PARD3: variants seen among roughly 807,000 people sequenced by gnomAD.
PARD3 encodes the protein partitioning defective 3 homolog.
A neutral mutation model predicts 155.4 loss-of-function variants in PARD3; 75 were observed. That is an observed-to-expected ratio of 0.48 (90% CI 0.40 to 0.58). The LOEUF is 0.58. PARD3 is among the 20% of genes least tolerant of loss of function. The pLI is 0.00. For synonymous variants in PARD3, 576 were observed against 610.5 expected (o/e 0.94, Z 0.83); for missense variants, 1,642 against 1,721.7 (o/e 0.95, Z 0.82).
intron 2 of PARD3, among the ~76,000 whole-genome samples, chr10:34,602,420 C>A (rs2089869892): frequency 6.6e-6 from 1 of 152,034 alleles, no homozygotes; most frequent in African/African-American, 2.4e-5. Context: ...AATGAAAATA[C>A]AAAATTTGTT....
intron 23 of PARD3, among the ~76,000 whole-genome samples, chr10:34,122,252 T>C (rs1241589890): frequency 3.3e-5 from 5 of 152,214 alleles, no homozygotes; most frequent in Non-Finnish European, 7.3e-5. Flanking sequence ...CTTGTGGAGA[T>C]GTGAAGGGAA....
intron 22 of PARD3, among the ~76,000 whole-genome samples, chr10:34,249,726 C>T (rs753967428): frequency 1.3e-5 from 2 of 152,100 alleles, no homozygotes; most frequent in Admixed American, 6.5e-5. Flanking sequence ...TATAAAGGCA[C>T]AGTTTAAGAA....
In PARD3 at chr10:34,393,150, TAA is replaced by T. The variant is rs34936875; in HGVS notation, c.890+6178_890+6179del. Among the ~76,000 whole-genome samples, 493 of 133,830 alleles carry T rather than the reference TAA, an allele frequency of 3.7e-3. 2 individuals carry two copies. The highest frequency in any genetic ancestry group is 0.011 in the African/African-American group (399 of 35,314). 87.8% of individuals were successfully genotyped at this position (133,830 alleles called of 152,430 possible). A position where few individuals can be genotyped will look rare whatever the true frequency, so the allele number is the denominator to read the frequency against. ...ATGCTAACTAGTAGATACTAGATCT[TAA>T]AAAAAAAAAAAAAGTGTATATAAAC... On this transcript the variant is annotated intron_variant, in intron 7 of 24. Transcript: ENST00000374788.
chr10:34,658,156 A>T (rs2093229599), intron 2 of PARD3, among the ~76,000 whole-genome samples: 1 of 151,596 alleles, frequency 6.6e-6, no homozygotes, highest in South Asian at 2.1e-4. Flanking sequence ...AAAAAAAAAA[A>T]AAAGAATCCA....
At chr10:34,680,915 C>T (rs1358216455) in intron 2 of PARD3, among the ~76,000 whole-genome samples, 1 of 150,352 alleles carries the variant, frequency 6.7e-6, no homozygotes, top group East Asian at 2.0e-4. Context: ...AGCACACCAG[C>T]ATGGCACATG....
At chr10:34,336,371 C>A in intron 17 of PARD3, 128 bp from the exon 18 acceptor site, 1 of 639,522 alleles carries the variant, frequency 1.6e-6, no homozygotes, top group South Asian at 2.0e-5. Flanking sequence ...TACTATGAAA[C>A]ATCAAGCAAA....
chr10:34,492,755 G>A (rs1041411550), intron 3 of PARD3, among the ~76,000 whole-genome samples: 8 of 152,180 alleles, frequency 5.3e-5, no homozygotes, highest in African/African-American at 1.7e-4. Context: ...CACACGATAT[G>A]TCACTATAAT....
intron 4 of PARD3, among the ~76,000 whole-genome samples, chr10:34,468,849 T>C (rs1345314759): frequency 6.6e-6 from 1 of 152,214 alleles, no homozygotes; most frequent in Non-Finnish European, 1.5e-5. Flanking sequence ...GGTATTTTTA[T>C]ACCTATGCAA....
At chr10:34,326,771 G>C (rs757397350) in intron 19 of PARD3, among the ~76,000 whole-genome samples, 11 of 152,144 alleles carry the variant, frequency 7.2e-5, no homozygotes, top group Non-Finnish European at 1.5e-4. Context: ...CCTAAATTAT[G>C]TGTATTCTGG....
chr10:34,769,277 C>T lies in PARD3; in HGVS notation c.120+45599G>A, dbSNP rs114068237. ...CCAGGGCTAGGTCTGCCTACCAACA[C>T]CCTGACCGAATCAGTCACAAGCTTA... On this transcript the variant is annotated intron_variant, in intron 1 of 24. Coordinates refer to ENST00000374788, the MANE Select transcript of PARD3 (RefSeq NM_001184785.2). Among the ~76,000 whole-genome samples the T allele has an allele frequency of 8.2e-3, 1,256 of 152,302 alleles. 15 individuals carry two copies. The highest frequency in any genetic ancestry group is 0.029 in the African/African-American group (1,216 of 41,554).
chr10:34,518,971 A>T (rs1320927192), intron 2 of PARD3, among the ~76,000 whole-genome samples: 1 of 152,238 alleles, frequency 6.6e-6, no homozygotes, highest in Non-Finnish European at 1.5e-5. Context: ...ATCTGATAAA[A>T]TGCACTGGGA....
intron 2 of PARD3, among the ~76,000 whole-genome samples, chr10:34,606,459 T>C (rs575893716): frequency 3.3e-5 from 5 of 151,824 alleles, no homozygotes; most frequent in African/African-American, 1.2e-4. Context: ...TTTTGGTTGG[T>C]TGGTTTTTTC....
intron 2 of PARD3, among the ~76,000 whole-genome samples, chr10:34,604,025 AC>A (rs1169644821): frequency 1.3e-5 from 2 of 152,180 alleles, no homozygotes; most frequent in Non-Finnish European, 1.5e-5. Context: ...AAAACCTGCT[AC>A]CTTAAAATCC....
intron 22 of PARD3, among the ~76,000 whole-genome samples, chr10:34,163,362 G>A (rs910406784): frequency 5.9e-5 from 9 of 152,198 alleles, no homozygotes; most frequent in African/African-American, 2.2e-4. Context: ...TGGCATATAT[G>A]CTGGTTCTTA....
intron 2 of PARD3, among the ~76,000 whole-genome samples, chr10:34,567,157 C>G (rs1318828158): frequency 2.0e-5 from 3 of 152,086 alleles, no homozygotes; most frequent in African/African-American, 7.2e-5. Flanking sequence ...CTTGTTGAGC[C>G]AACCATTCCT....
chr10:34,428,485 TAAA>T (rs2075736608), intron 5 of PARD3, among the ~76,000 whole-genome samples: 1 of 152,234 alleles, frequency 6.6e-6, no homozygotes, highest in East Asian at 1.9e-4. Flanking sequence ...ATCCCATCTC[TAAA>T]AGAAAAAAGA....
At chr10:34,517,380 A>G (rs1277399393) in intron 2 of PARD3, among the ~76,000 whole-genome samples, 1 of 152,218 alleles carries the variant, frequency 6.6e-6, no homozygotes, top group African/African-American at 2.4e-5. Flanking sequence ...TCAAAAGTCT[A>G]TGGGTGAAAA....
At chr10:34,215,047 CA>C (rs1228559453) in intron 22 of PARD3, among the ~76,000 whole-genome samples, 2 of 152,164 alleles carry the variant, frequency 1.3e-5, no homozygotes, top group Admixed American at 6.5e-5. Context: ...CATCTTGCAT[CA>C]ATCCTGCAAT....
intron 4 of PARD3, among the ~76,000 whole-genome samples, chr10:34,468,342 G>A (rs1185455002): frequency 6.6e-6 from 1 of 152,130 alleles, no homozygotes; most frequent in African/African-American, 2.4e-5. Flanking sequence ...CAACTGAAAC[G>A]GACTCACACA....
Sources: allele counts gnomAD v4.1 joint callset (sites outside exome capture counted in the v4.1 genomes callset), GRCh38; gene constraint gnomAD v4.1.1; transcripts MANE v1.5; gene names NCBI Gene and HGNC (gene_info 2026-07-23, HGNC 2026-07-21).